PDE7B: variants seen among roughly 807,000 people sequenced by gnomAD.
The protein encoded by PDE7B is phosphodiesterase 7B, also known as 3',5'-cyclic-AMP phosphodiesterase 7B.
Under a neutral mutation model 56.2 loss-of-function variants are expected in PDE7B, and 29 were observed. The observed-to-expected ratio is 0.52, with a 90% CI of 0.38 to 0.70. The LOEUF (loss-of-function observed/expected upper bound fraction) is 0.70. Among genes scored for constraint, PDE7B ranks in the 30% least tolerant of loss-of-function variants. The pLI is 0.00. For synonymous variants in PDE7B, 197 were observed against 196.9 expected, an observed-to-expected ratio of 1.00 and a Z score of 0.00; for missense variants, 490 against 565.0, an observed-to-expected ratio of 0.87 and a Z score of 1.35.
At position 136,162,551 on chromosome 6, in the gene PDE7B, G is replaced by A. The variant is rs181529296; in HGVS notation, c.711+6793G>A. On this transcript the variant is annotated intron_variant, in intron 8 of 12. Coordinates refer to ENST00000308191, the MANE Select transcript of PDE7B (RefSeq NM_018945.4). ...ACAGCCACATATCATTCTGCCCCCA[G>A]CCCCTCCCAAATCTCATGTCCTCAC... Among the ~76,000 whole-genome samples, 8 of 152,046 alleles carry A rather than the reference G, an allele frequency of 5.3e-5. No individual in the cohort carries two copies. In the East Asian group the frequency reaches 1.6e-3, roughly 30 times the overall value.
chr6:136,054,782 T>G (rs986419031), intron 2 of PDE7B, among the ~76,000 whole-genome samples: 1 of 152,174 alleles, frequency 6.6e-6, no homozygotes, highest in Admixed American at 6.5e-5. Context: ...CATTTTCACA[T>G]GGCTAGGGAG....
At chr6:135,906,827 T>TTTTTTTTTTTTTTTTTTTTTTTTG (rs1554265693) in intron 1 of PDE7B, among the ~76,000 whole-genome samples, 22 of 133,538 alleles carry the variant, frequency 1.6e-4, no homozygotes, top group Non-Finnish European at 3.4e-4. Context: ...TTTTTTTTTT[T>TTTTTTTTTTTTTTTTTTTTTTTTG]TTTTTTTTTA....
intron 2 of PDE7B, among the ~76,000 whole-genome samples, chr6:135,954,862 GT>G (rs1287108341): frequency 6.6e-6 from 1 of 152,108 alleles, no homozygotes; most frequent in African/African-American, 2.4e-5. Context: ...TCTGTGGAAG[GT>G]TGCAGCATTT....
intron 2 of PDE7B, among the ~76,000 whole-genome samples, chr6:136,104,026 G>T (rs1777606264): frequency 6.6e-6 from 1 of 152,206 alleles, no homozygotes; most frequent in South Asian, 2.1e-4. Context: ...GGCCAAGTAA[G>T]CAAGAGGTCC....
chr6:135,919,205 G>A (rs948874440), intron 1 of PDE7B, among the ~76,000 whole-genome samples: 4 of 152,114 alleles, frequency 2.6e-5, no homozygotes, highest in Admixed American at 6.5e-5. Flanking sequence ...CTTTCCACTT[G>A]TGCTACCGAA....
rs748109155 is a variant in PDE7B, at chr6:136,191,693, G to A, written c.1206G>A (p.Met402Ile). The part of the protein sequence containing the change: ...FTGNSTLSEN[M>I]LGHLAHNKAQ... ...GTAACAGCACCCTGTCGGAGAACATGCTGGGCCACCTCGCACACAACAAGG... is the reference window on the plus strand; with the variant it reads ...GTAACAGCACCCTGTCGGAGAACATACTGGGCCACCTCGCACACAACAAGG... Residue 402 changes from methionine to isoleucine, a missense_variant, in exon 13 of 13, where the codon ATG becomes ATA. Transcript: ENST00000308191. 6.2e-7 allele frequency: 1 copy of A among 1,613,792 alleles called. No individual in the cohort carries two copies. The highest frequency in any genetic ancestry group is 2.2e-5 in the East Asian group (1 of 44,856).
At chr6:136,059,242 A>G (rs984781851) in intron 2 of PDE7B, among the ~76,000 whole-genome samples, 1 of 152,216 alleles carries the variant, frequency 6.6e-6, no homozygotes, top group East Asian at 1.9e-4. Flanking sequence ...TAGTCTTCCA[A>G]TAATGGAACA....
chr6:135,943,378 C>T (rs9389346), intron 1 of PDE7B, among the ~76,000 whole-genome samples: 50,847 of 152,094 alleles, frequency 0.33, 9,173 homozygotes, highest in Admixed American at 0.49. Context: ...ATCCAAAGCC[C>T]GTGCTCTACT....
rs2128453080 is a variant in PDE7B at position 136,193,542 on chromosome 6, TG to T, written c.*1703del. ...CATTCTTCTCTAGGCTGCTAAACGC[TG>T]TGCATTGAACCTTTTCTTTAGAAGT... is the stretch of plus-strand genomic sequence containing the variant. On this transcript the variant is annotated 3_prime_UTR_variant, in exon 13 of 13. Transcript: ENST00000308191. 1 of 152,362 alleles carries T rather than the reference TG, an allele frequency of 6.6e-6. No individual in the cohort carries two copies. Among genetic ancestry groups the T allele is most frequent in the African/African-American group, 2.4e-5 (1 of 41,574 alleles). The allele number at this position is 152,362 out of a possible 1,614,324, so 9.4% of individuals were successfully genotyped here.
intron 2 of PDE7B, among the ~76,000 whole-genome samples, chr6:136,049,662 T>G (rs567104408): frequency 6.6e-6 from 1 of 152,124 alleles, no homozygotes; most frequent in South Asian, 2.1e-4. Flanking sequence ...CAACAAGATG[T>G]GAGAAATTTG....
intron 3 of PDE7B, among the ~76,000 whole-genome samples, chr6:136,139,866 A>G (rs1778287814): frequency 6.6e-6 from 1 of 152,156 alleles, no homozygotes; most frequent in Non-Finnish European, 1.5e-5. Flanking sequence ...GATTCTGGAT[A>G]TTAGCCCTTT....
At chr6:136,117,401 C>A (rs1200552741) in intron 3 of PDE7B, among the ~76,000 whole-genome samples, 1 of 152,166 alleles carries the variant, frequency 6.6e-6, no homozygotes, top group African/African-American at 2.4e-5. Flanking sequence ...CTAAGGGATT[C>A]ACTGTGGTCC....
intron 1 of PDE7B, among the ~76,000 whole-genome samples, chr6:135,933,939 A>C (rs1774342736): frequency 6.6e-6 from 1 of 152,162 alleles, no homozygotes; most frequent in Admixed American, 6.5e-5. Flanking sequence ...TCAGTCTTTA[A>C]TAATTTAAAG....
chr6:136,130,680 C>T (rs1291628596), intron 3 of PDE7B, among the ~76,000 whole-genome samples: 2 of 152,152 alleles, frequency 1.3e-5, no homozygotes, highest in African/African-American at 4.8e-5. Context: ...GACAGAAACA[C>T]TCACTTAAAT....
intron 1 of PDE7B, among the ~76,000 whole-genome samples, chr6:135,935,218 T>TTTTATATATATA (rs1774401563): frequency 2.9e-5 from 1 of 34,726 alleles, no homozygotes; most frequent in Non-Finnish European, 5.0e-5. Flanking sequence ...ATATATATAT[T>TTTTATATATATA]TTCATGATTC....
At chr6:135,863,424 T>C (rs766357843) in intron 1 of PDE7B, among the ~76,000 whole-genome samples, 1 of 152,036 alleles carries the variant, frequency 6.6e-6, no homozygotes, top group Non-Finnish European at 1.5e-5. Context: ...GTAGGGGCAA[T>C]ACTTAGTTCT....
At chr6:136,158,947 AC>A (rs1778659262) in intron 8 of PDE7B, among the ~76,000 whole-genome samples, 3 of 152,234 alleles carry the variant, frequency 2.0e-5, no homozygotes, top group Admixed American at 2.0e-4. Context: ...TAAAGGAATA[AC>A]TTTCAGTTCA....
intron 1 of PDE7B, among the ~76,000 whole-genome samples, chr6:135,876,271 C>T (rs766747942): frequency 3.9e-4 from 59 of 152,122 alleles, no homozygotes; most frequent in Non-Finnish European, 6.9e-4. Flanking sequence ...GAGTGGCCTC[C>T]GCACACACCT....
intron 2 of PDE7B, among the ~76,000 whole-genome samples, chr6:136,008,707 G>T (rs190587338): frequency 0.027 from 4,158 of 152,124 alleles, 208 homozygotes; most frequent in African/African-American, 0.093. Context: ...TAAATTTGTT[G>T]GAGTTCATTG....
Sources: gnomAD v4.1 joint callset for allele counts (sites outside exome capture counted in the v4.1 genomes callset) on GRCh38, gnomAD v4.1.1 for gene constraint, MANE v1.5 for transcripts, NCBI Gene and HGNC (gene_info 2026-07-23, HGNC 2026-07-21) for gene names.